DDHD1: variants seen among roughly 807,000 people sequenced by gnomAD.
The protein encoded by DDHD1 is phospholipase DDHD1.
A neutral mutation model predicts 96.4 loss-of-function variants in DDHD1; 49 were observed. The ratio of observed to expected loss-of-function variants is 0.51; its 90% CI spans 0.40 to 0.64. The LOEUF (loss-of-function observed/expected upper bound fraction) is 0.64, where lower values mean the gene tolerates loss of function less well. Among genes scored for constraint, DDHD1 ranks in the 30% least tolerant of loss-of-function variants. DDHD1 has a pLI of 0.00. For synonymous variants in DDHD1, 442 were observed against 446.5 expected, an observed-to-expected ratio of 0.99 and a Z score of 0.13; for missense variants, 1,106 against 1,161.2, an observed-to-expected ratio of 0.95 and a Z score of 0.69.
chr14:53,086,015 G>A lies in DDHD1; in HGVS notation c.1289+5770C>T, dbSNP rs568685640. On this transcript the variant is annotated intron_variant, in intron 4 of 12. Transcript: ENST00000673822. ...ACTACGTGACACATGCACAAGCTTC[G>A]GTAGCTGATTTGATCAAGGGGAAGA... 8.7e-4 allele frequency among the ~76,000 whole-genome samples: 133 copies of A among 152,206 alleles called. 1 individual carries two copies. Among genetic ancestry groups the A allele is most frequent in the African/African-American group, 3.1e-3 (128 of 41,534 alleles).
intron 1 of DDHD1, among the ~76,000 whole-genome samples, chr14:53,151,805 C>G (rs1230075033): frequency 6.6e-6 from 1 of 152,208 alleles, no homozygotes. Context: ...TTTTACTTTT[C>G]CTGAACCCAT....
chr14:53,142,701 T>C (rs151304307), intron 1 of DDHD1, among the ~76,000 whole-genome samples: 5 of 152,286 alleles, frequency 3.3e-5, no homozygotes, highest in East Asian at 3.9e-4. Flanking sequence ...TCCTCTCCCA[T>C]AGGCAATAGA....
chr14:53,153,116 G>C lies in DDHD1; in HGVS notation c.-18C>G, dbSNP rs539071638. On this transcript the variant is annotated 5_prime_UTR_variant, in exon 1 of 13. Coordinates refer to ENST00000673822, the MANE Select transcript of DDHD1 (RefSeq NM_001160148.2). ...TAATTCATGCTGTGGAGACGCCGCC[G>C]GCTGTCCGGCGGCGCGCGGAGCCGT... The C allele has an allele frequency of 2.9e-6, 4 of 1,376,174 alleles. No individual in the cohort carries two copies. The highest frequency in any genetic ancestry group is 5.3e-4 in the Middle Eastern group (2 of 3,766). The allele number at this position is 1,376,174 out of a possible 1,614,324, so 85.2% of individuals were successfully genotyped here.
At chr14:53,098,436 C>A (rs1426648601) in intron 2 of DDHD1, among the ~76,000 whole-genome samples, 1 of 151,846 alleles carries the variant, frequency 6.6e-6, no homozygotes, top group African/African-American at 2.4e-5. Context: ...ATTCCTACAA[C>A]AGAAAAACTA....
chr14:53,072,946 T>C (rs1442140321), intron 5 of DDHD1, among the ~76,000 whole-genome samples: 3 of 151,940 alleles, frequency 2.0e-5, no homozygotes, highest in Non-Finnish European at 4.4e-5. Flanking sequence ...TTATCAAATC[T>C]ATAAAGCGTC....
At chr14:53,097,144 T>C (rs910043207) in intron 2 of DDHD1, among the ~76,000 whole-genome samples, 3 of 152,032 alleles carry the variant, frequency 2.0e-5, no homozygotes, top group African/African-American at 7.2e-5. Context: ...CATGTTCAAA[T>C]ACATTTGATT....
chr14:53,062,885 A>C, intron 7 of DDHD1, 58 bp downstream of exon 7: 2 of 1,541,206 alleles, frequency 1.3e-6, no homozygotes, highest in Non-Finnish European at 1.8e-6. Flanking sequence ...TTCTCGTAAG[A>C]GGTCCAGTAA....
chr14:53,056,827 G>A (rs1311575567), intron 9 of DDHD1, among the ~76,000 whole-genome samples: 1 of 152,098 alleles, frequency 6.6e-6, no homozygotes, highest in Non-Finnish European at 1.5e-5. Flanking sequence ...TTAAGAGTTT[G>A]GAATCCTCCT....
intron 2 of DDHD1, chr14:53,103,458 T>G (rs180705940): frequency 3.5e-4 from 155 of 440,022 alleles, no homozygotes; most frequent in African/African-American, 3.0e-3. Flanking sequence ...TAGTAAACTG[T>G]GTTAATATCA....
chr14:53,076,656 G>A lies in DDHD1; in HGVS notation c.1290-2809C>T, dbSNP rs116544519. On this transcript the variant is annotated intron_variant, in intron 4 of 12. Coordinates refer to ENST00000673822, the MANE Select transcript of DDHD1 (RefSeq NM_001160148.2). Reference sequence around the variant, plus strand: ...ATTGCATGTTACAGAGAAATCTTTCGTGAGAGGAAGAATCAATCGATGTGG... The same window carrying A: ...ATTGCATGTTACAGAGAAATCTTTCATGAGAGGAAGAATCAATCGATGTGG... Among the ~76,000 whole-genome samples, 838 of 152,230 alleles carry A rather than the reference G, an allele frequency of 5.5e-3. 9 individuals carry two copies. The highest frequency in any genetic ancestry group is 0.019 in the African/African-American group (793 of 41,542).
chr14:53,105,392 TTTC>T (rs1221563219), intron 1 of DDHD1, among the ~76,000 whole-genome samples: 2 of 152,234 alleles, frequency 1.3e-5, no homozygotes, highest in Admixed American at 1.3e-4. Context: ...TATTTAAAAT[TTTC>T]TATTATGTGT....
intron 1 of DDHD1, among the ~76,000 whole-genome samples, chr14:53,133,332 C>T (rs4901346): frequency 0.73 from 111,241 of 152,076 alleles, 43,501 homozygotes; most frequent in East Asian, 0.96. Context: ...CTTTCCCACA[C>T]GGTCTGAGAA....
At chr14:53,103,906 C>G (rs1887498438) in intron 1 of DDHD1, 50 bp from the exon 2 acceptor site, 1 of 1,478,576 alleles carries the variant, frequency 6.8e-7, no homozygotes, top group East Asian at 2.4e-5. Context: ...TTCAACTTCC[C>G]CAAAAGAGAC....
intron 5 of DDHD1, 89 bp from the exon 6 acceptor site, chr14:53,072,792 T>C: frequency 1.4e-6 from 1 of 695,202 alleles, no homozygotes; most frequent in Non-Finnish European, 2.4e-6. Flanking sequence ...TTGCCTGAAA[T>C]AGTAACTATT....
intron 4 of DDHD1, among the ~76,000 whole-genome samples, chr14:53,078,020 C>T (rs915543971): frequency 2.6e-5 from 4 of 152,094 alleles, no homozygotes; most frequent in Non-Finnish European, 5.9e-5. Context: ...TTTGTTTAGC[C>T]GCTCATCAGT....
In DDHD1 at chr14:53,133,877, T is replaced by TCGA. The variant is rs1173446512; in HGVS notation, c.838+18381_838+18383dup. ...ATCTGACCCCTCAAATTCTACAACC[T>TCGA]CGATGGACCAGACCCTACTTAGTCA... On this transcript the variant is annotated intron_variant, in intron 1 of 12. Coordinates refer to ENST00000673822, the MANE Select transcript of DDHD1 (RefSeq NM_001160148.2). 7.2e-4 allele frequency among the ~76,000 whole-genome samples: 109 copies of TCGA among 152,274 alleles called. 2 individuals are homozygous for TCGA. The highest frequency in any genetic ancestry group is 1.3e-3 in the Non-Finnish European group (89 of 68,008).
intron 4 of DDHD1, among the ~76,000 whole-genome samples, chr14:53,084,971 T>A (rs1885813195): frequency 6.6e-6 from 1 of 152,210 alleles, no homozygotes; most frequent in African/African-American, 2.4e-5. Context: ...CCAGATTATA[T>A]CCCGCGCCTG....
rs1232852134 is a variant in DDHD1 at position 53,072,626 on chromosome 14, AC to A, written c.1473del (p.Met491IlefsTer12). On this transcript the variant is annotated frameshift_variant, in exon 6 of 13. Transcript: ENST00000673822. LOFTEE classifies it high-confidence loss of function. ...TCTCTATAAAGTGGACTAGTATAAT[AC>A]ATTATGTCCATTGCACTGCTGTTCA... ...DMLNSSAMDI[M>X]YYTSPLYRDE... 1 of 1,607,054 alleles carries A rather than the reference AC, an allele frequency of 6.2e-7. No homozygotes were observed.
chr14:53,042,341 C>T lies in DDHD1; in HGVS notation c.*4427G>A, dbSNP rs1045639545. ...AATATTATTGAGAAAAGAATGGTCT[C>T]TATGCCCCTTCCAGCTTTAAAATTC... On this transcript the variant is annotated 3_prime_UTR_variant, in exon 13 of 13. Coordinates refer to ENST00000673822, the MANE Select transcript of DDHD1 (RefSeq NM_001160148.2). 1.3e-5 allele frequency: 2 copies of T among 152,274 alleles called. No homozygotes were observed. The highest frequency in any genetic ancestry group is 4.8e-5 in the African/African-American group (2 of 41,554). The allele number at this position is 152,274 out of a possible 1,614,324, so 9.4% of individuals were successfully genotyped here. A position where few individuals can be genotyped will look rare whatever the true frequency, so the allele number is the denominator to read the frequency against.
Sources: allele counts gnomAD v4.1 joint callset (sites outside exome capture counted in the v4.1 genomes callset), GRCh38; gene constraint gnomAD v4.1.1; transcripts MANE v1.5; gene names NCBI Gene and HGNC (gene_info 2026-07-23, HGNC 2026-07-21).